The following SHISA9 variants were observed in gnomAD, a reference collection of about 807,000 sequenced individuals.
The protein encoded by SHISA9 is protein shisa-9.
SHISA9 carries 13 observed loss-of-function variants against 38.0 expected under a neutral mutation model. That is an observed-to-expected ratio of 0.34 (90% CI 0.22 to 0.54). SHISA9 has a LOEUF of 0.54. Among genes scored for constraint, SHISA9 ranks in the 20% least tolerant of loss-of-function variants. The pLI is 0.91. For missense variants in SHISA9, 538 were observed against 575.8 expected (o/e 0.93, Z 0.67); for synonymous variants, 275 against 242.0 (o/e 1.14, Z -1.27).
At chr16:12,991,739 G>A (rs1361734685) in intron 2 of SHISA9, among the ~76,000 whole-genome samples, 1 of 152,084 alleles carries the variant, frequency 6.6e-6, no homozygotes, top group African/African-American at 2.4e-5. Context: ...AGAGTCGCAA[G>A]GGATCTTAGA....
chr16:13,500,394 C>T, the SHISA9 span, among the ~76,000 whole-genome samples: 1 of 152,094 alleles, frequency 6.6e-6, no homozygotes, highest in Admixed American at 6.6e-5. Flanking sequence ...TGAGAAAGGA[C>T]TAAAACAGTG....
At chr16:13,487,192 G>C in the SHISA9 span, among the ~76,000 whole-genome samples, 16 of 152,328 alleles carry the variant, frequency 1.1e-4, no homozygotes, top group South Asian at 2.3e-3. Flanking sequence ...AAAATCTGCA[G>C]ATGCTCAAGT....
intron 1 of SHISA9, among the ~76,000 whole-genome samples, chr16:12,913,626 A>G (rs912153540): frequency 6.6e-6 from 1 of 152,002 alleles, no homozygotes; most frequent in Non-Finnish European, 1.5e-5. Flanking sequence ...GGTTTTAATC[A>G]CCCTTACAAA....
the SHISA9 span, among the ~76,000 whole-genome samples, chr16:13,459,247 G>A: frequency 6.6e-6 from 1 of 152,172 alleles, no homozygotes; most frequent in Non-Finnish European, 1.5e-5. Context: ...CAAGTCACGT[G>A]CAGCCCTGGT....
At chr16:13,522,298 C>A in the SHISA9 span, among the ~76,000 whole-genome samples, 1 of 152,152 alleles carries the variant, frequency 6.6e-6, no homozygotes, top group Non-Finnish European at 1.5e-5. Flanking sequence ...AAGCTGGAAG[C>A]CTGTTGGGAG....
the SHISA9 span, among the ~76,000 whole-genome samples, chr16:13,394,115 C>T: frequency 5.3e-5 from 8 of 152,298 alleles, no homozygotes; most frequent in Middle Eastern, 3.4e-3. Context: ...AGAAGCATTA[C>T]GCATTTCCAC....
the SHISA9 span, among the ~76,000 whole-genome samples, chr16:13,445,483 A>G: frequency 6.6e-6 from 1 of 152,228 alleles, no homozygotes; most frequent in Non-Finnish European, 1.5e-5. Flanking sequence ...AGGAAGACAC[A>G]AAGGAATGAG....
At chr16:13,354,028 T>C in the SHISA9 span, among the ~76,000 whole-genome samples, 1 of 149,342 alleles carries the variant, frequency 6.7e-6, no homozygotes, top group Non-Finnish European at 1.5e-5. Flanking sequence ...AGTGAAAGTA[T>C]CTACCTAGAC....
At chr16:13,479,874 C>T in the SHISA9 span, among the ~76,000 whole-genome samples, 1 of 152,098 alleles carries the variant, frequency 6.6e-6, no homozygotes, top group East Asian at 1.9e-4. Context: ...GGTTCCATTT[C>T]CTGGTTCCAT....
At chr16:13,372,625 C>G in the SHISA9 span, among the ~76,000 whole-genome samples, 2 of 152,182 alleles carry the variant, frequency 1.3e-5, no homozygotes, top group Non-Finnish European at 2.9e-5. Flanking sequence ...CTCTGGTTAG[C>G]TATTCATTTC....
At chr16:13,174,731 G>A (rs2050716861) in intron 2 of SHISA9, among the ~76,000 whole-genome samples, 1 of 152,140 alleles carries the variant, frequency 6.6e-6, no homozygotes, top group South Asian at 2.1e-4. Flanking sequence ...AAGATGAAAT[G>A]ATCTCTCTCT....
At chr16:12,950,036 C>T (rs1375439191) in intron 2 of SHISA9, among the ~76,000 whole-genome samples, 1 of 152,208 alleles carries the variant, frequency 6.6e-6, no homozygotes, top group Non-Finnish European at 1.5e-5. Flanking sequence ...CTACTTGTCA[C>T]AGCCTATGGT....
the SHISA9 span, among the ~76,000 whole-genome samples, chr16:13,503,687 C>CGA: frequency 6.7e-6 from 1 of 148,246 alleles, no homozygotes; most frequent in Non-Finnish European, 1.5e-5. Flanking sequence ...AAGGAGTGAC[C>CGA]AAAAAAAAAA....
intron 2 of SHISA9, among the ~76,000 whole-genome samples, chr16:13,147,338 G>T (rs1401790345): frequency 6.6e-6 from 1 of 152,012 alleles, no homozygotes; most frequent in Non-Finnish European, 1.5e-5. Flanking sequence ...TACAACCAAG[G>T]GTTTGCCCAA....
chr16:13,080,320 C>T (rs1229119804), intron 2 of SHISA9, among the ~76,000 whole-genome samples: 2 of 152,142 alleles, frequency 1.3e-5, no homozygotes, highest in Non-Finnish European at 2.9e-5. Context: ...TTGCAGTGAG[C>T]CTAGATTGCG....
At chr16:13,333,837 A>G in the SHISA9 span, among the ~76,000 whole-genome samples, 1 of 152,196 alleles carries the variant, frequency 6.6e-6, no homozygotes, top group African/African-American at 2.4e-5. Context: ...GCTTGCCGAT[A>G]TAATTTCTGC....
chr16:13,379,680 C>G, the SHISA9 span, among the ~76,000 whole-genome samples: 1 of 152,198 alleles, frequency 6.6e-6, no homozygotes, highest in East Asian at 1.9e-4. Context: ...CATGGTATTT[C>G]GAATTCCTCC....
intron 2 of SHISA9, among the ~76,000 whole-genome samples, chr16:13,200,409 AACACACACACACACAC>A (rs148088145): frequency 7.3e-6 from 1 of 136,524 alleles, no homozygotes; most frequent in Non-Finnish European, 1.5e-5. Flanking sequence ...TATATCATGA[AACACACACACACACAC>A]ACACACACAC....
chr16:13,444,242 G>A, the SHISA9 span, among the ~76,000 whole-genome samples: 22 of 152,204 alleles, frequency 1.4e-4, no homozygotes, highest in East Asian at 1.5e-3. Flanking sequence ...GAGGTGGCAC[G>A]CACCTATAGT....
Sources: allele counts gnomAD v4.1 joint callset (sites outside exome capture counted in the v4.1 genomes callset), GRCh38; gene constraint gnomAD v4.1.1; transcripts MANE v1.5; gene names NCBI Gene and HGNC (gene_info 2026-07-23, HGNC 2026-07-21).